The following MAPRE2 variants were observed in gnomAD, a reference collection of about 807,000 sequenced individuals.
The protein encoded by MAPRE2 is microtubule-associated protein RP/EB family member 2.
A neutral mutation model predicts 43.2 loss-of-function variants in MAPRE2; 13 were observed. That is an observed-to-expected ratio of 0.30 (90% CI 0.20 to 0.48). The LOEUF is 0.48. MAPRE2 is among the 20% of genes least tolerant of loss of function. The probability of loss-of-function intolerance (pLI) is 0.99; values close to 1 mark genes in which losing one functional copy is unlikely to be tolerated. For synonymous variants in MAPRE2, 135 were observed against 148.8 expected (o/e 0.91, Z 0.68); for missense variants, 161 against 400.2 (o/e 0.40, Z 5.10).
At chr18:35,023,668 A>G (rs982585042) in intron 2 of MAPRE2, among the ~76,000 whole-genome samples, 1 of 151,956 alleles carries the variant, frequency 6.6e-6, no homozygotes, top group Non-Finnish European at 1.5e-5. Flanking sequence ...AGATTGAGAG[A>G]GGCAATTGGA....
At chr18:35,027,937 ACC>A (rs2097046112) in intron 2 of MAPRE2, among the ~76,000 whole-genome samples, 1 of 151,954 alleles carries the variant, frequency 6.6e-6, no homozygotes, top group Non-Finnish European at 1.5e-5. Context: ...CATGTGTCCC[ACC>A]CTCTGGGCCT....
In MAPRE2 at chr18:35,141,665, CTTTATT is replaced by C. The variant is rs1235837795; in HGVS notation, c.*1306_*1311del. 5 of 133,400 alleles carry C rather than the reference CTTTATT, an allele frequency of 3.7e-5. No individual in the cohort carries two copies. The highest frequency in any genetic ancestry group is 2.5e-4 in the South Asian group (1 of 4,036). The allele number at this position is 133,400 out of a possible 1,614,324, so 8.3% of individuals were successfully genotyped here. On this transcript the variant is annotated 3_prime_UTR_variant, in exon 7 of 7. Transcript: ENST00000300249. ...TTCCAAGTCTTTGCCTCTTTTTTTT[CTTTATT>C]TTTATTTTTTCCTTTGACAGATGGT...
chr18:35,047,516 G>C (rs972375706), intron 1 of MAPRE2, among the ~76,000 whole-genome samples: 4 of 151,938 alleles, frequency 2.6e-5, no homozygotes, highest in African/African-American at 7.3e-5. Context: ...CTCTCAAAGT[G>C]GAAACCTACA....
At chr18:35,129,093 C>T (rs1165585328) in intron 5 of MAPRE2, among the ~76,000 whole-genome samples, 3 of 152,192 alleles carry the variant, frequency 2.0e-5, no homozygotes, top group African/African-American at 7.2e-5. Flanking sequence ...TTCATTACTT[C>T]CCAAAGGCCT....
chr18:35,138,057 G>A lies in MAPRE2; in HGVS notation c.910-2238G>A, dbSNP rs552750196. On this transcript the variant is annotated intron_variant, in intron 6 of 6. Transcript: ENST00000300249. ...AGAAGAAGTTCTCTCCTGCTCCCCT[G>A]AGCATGTATGGCCACACTGTTGGTG... 1.4e-3 allele frequency among the ~76,000 whole-genome samples: 212 copies of A among 152,312 alleles called. 2 individuals are homozygous for A. Among genetic ancestry groups the A allele is most frequent in the African/African-American group, 5.0e-3 (209 of 41,572 alleles).
intron 1 of MAPRE2, among the ~76,000 whole-genome samples, chr18:34,982,464 C>A (rs955015629): frequency 1.3e-5 from 2 of 152,048 alleles, no homozygotes; most frequent in Admixed American, 1.3e-4. Context: ...TATTGGAGGC[C>A]ACGAAGAATA....
chr18:35,010,410 A>G (rs575606579), intron 2 of MAPRE2, among the ~76,000 whole-genome samples: 1 of 152,316 alleles, frequency 6.6e-6, no homozygotes, highest in African/African-American at 2.4e-5. Flanking sequence ...TGACCTCACT[A>G]AGCTCCACTC....
intron 2 of MAPRE2, among the ~76,000 whole-genome samples, chr18:35,014,039 A>T (rs533407841): frequency 0.018 from 2,710 of 152,256 alleles, 90 homozygotes; most frequent in African/African-American, 0.061. Context: ...AGGGCTTTGA[A>T]AAGGCAGGAG....
At chr18:35,005,219 T>C (rs2097031274) in intron 1 of MAPRE2, among the ~76,000 whole-genome samples, 1 of 152,202 alleles carries the variant, frequency 6.6e-6, no homozygotes, top group South Asian at 2.1e-4. Flanking sequence ...AATATTTTCA[T>C]AGGACTGACA....
intron 2 of MAPRE2, among the ~76,000 whole-genome samples, chr18:35,022,818 A>G (rs956718045): frequency 6.6e-6 from 1 of 152,232 alleles, no homozygotes; most frequent in Non-Finnish European, 1.5e-5. Flanking sequence ...CTGCAAGAAA[A>G]CACAGTAGAG....
intron 1 of MAPRE2, among the ~76,000 whole-genome samples, chr18:34,985,406 ATTATAAATATAATATG>A: frequency 3.9e-5 from 2 of 51,530 alleles, no homozygotes; most frequent in East Asian, 8.6e-4. Context: ...TATATAATAT[ATTATAAATATAATATG>A]TAAACTATAT....
Position 35,127,066 on chromosome 18 carries a change from G to C in MAPRE2, c.729G>C (p.Gln243His), listed in dbSNP as rs1048879514. 6.2e-7 allele frequency: 1 copy of C among 1,613,998 alleles called. No individual in the cohort carries two copies. Among genetic ancestry groups the C allele is most frequent in the Non-Finnish European group, 8.5e-7 (1 of 1,180,018 alleles). Reference protein sequence around the residue: ...ASKSDKDLETQVIQLNEQVHS... With the variant: ...ASKSDKDLETHVIQLNEQVHS... The stretch of plus-strand genomic sequence containing the variant: ...AATCCGATAAAGATTTAGAAACGCA[G>C]GTCATACAGCTTAATGAACAGGTAA... Residue 243 changes from glutamine (Q) to histidine (H), a missense_variant, in exon 5 of 7, where the codon CAG becomes CAC. By Grantham distance (24) the Gln-to-His change is conservative. Around this residue, in one of 2 missense-constraint regions of MAPRE2, gnomAD observed 96 missense variants for 153.3 expected, o/e 0.63. Coordinates refer to ENST00000300249, the MANE Select transcript of MAPRE2 (RefSeq NM_014268.4).
chr18:35,099,267 A>C (rs539649251), intron 3 of MAPRE2, among the ~76,000 whole-genome samples: 19 of 152,238 alleles, frequency 1.2e-4, no homozygotes, highest in Non-Finnish European at 2.6e-4. Flanking sequence ...CAATATCAGC[A>C]TAAACAAAAA....
intron 4 of MAPRE2, 96 bp downstream of exon 4, chr18:35,102,255 AAC>A: frequency 1.1e-6 from 1 of 874,592 alleles, no homozygotes; most frequent in Non-Finnish European, 1.7e-6. Flanking sequence ...GATTCTTCTC[AAC>A]AGTCAATATT....
In MAPRE2 at chr18:35,031,287, A is replaced by ATGAT. The variant is rs759554096; in HGVS notation, c.-8+25738_-8+25741dup. 2.8e-4 allele frequency among the ~76,000 whole-genome samples: 43 copies of ATGAT among 152,346 alleles called. 1 individual carries two copies. In the East Asian group the frequency reaches 4.2e-3, roughly 15 times the overall value. On this transcript the variant is annotated intron_variant, in intron 2 of 7. Coordinates refer to the MAPRE2 transcript ENST00000413393. Reference sequence around the variant, plus strand: ...TTCTCAATAAATATTTGTAGAATGAATGATTGAGGACTAATTAAAATATTA... The same window carrying ATGAT: ...TTCTCAATAAATATTTGTAGAATGAATGATTGATTGAGGACTAATTAAAATATTA...
At chr18:35,022,395 TTTATCATAA>T in intron 2 of MAPRE2, among the ~76,000 whole-genome samples, 2 of 100,228 alleles carry the variant, frequency 2.0e-5, no homozygotes, top group Non-Finnish European at 5.0e-5. Flanking sequence ...CTGAGTATTT[TTTATCATAA>T]GATAACGGTA....
chr18:34,982,799 C>T (rs530007522), intron 1 of MAPRE2, among the ~76,000 whole-genome samples: 1 of 152,180 alleles, frequency 6.6e-6, no homozygotes, highest in African/African-American at 2.4e-5. Flanking sequence ...TTTCTAGAAT[C>T]AGCAAACTAT....
intron 1 of MAPRE2, among the ~76,000 whole-genome samples, chr18:35,042,968 G>A (rs933447125): frequency 1.3e-5 from 2 of 152,034 alleles, no homozygotes; most frequent in Non-Finnish European, 2.9e-5. Context: ...GTCATCTCTG[G>A]CAGTTACATA....
At chr18:35,107,948 A>G (rs544292981) in intron 4 of MAPRE2, among the ~76,000 whole-genome samples, 1 of 151,578 alleles carries the variant, frequency 6.6e-6, no homozygotes, top group African/African-American at 2.4e-5. Context: ...TACTAGATGT[A>G]TATGTATTTA....
Sources: gnomAD v4.1 joint callset for allele counts (sites outside exome capture counted in the v4.1 genomes callset) on GRCh38, gnomAD v4.1.1 for gene constraint, gnomAD v4.1.1 regional missense constraint, MANE v1.5 for transcripts, NCBI Gene and HGNC (gene_info 2026-07-23, HGNC 2026-07-21) for gene names.